BRI3: variants seen among roughly 807,000 people sequenced by gnomAD.
BRI3 encodes the protein brain protein I3.
Under a neutral mutation model 12.8 loss-of-function variants are expected in BRI3, and 6 were observed. The ratio of observed to expected loss-of-function variants is 0.47; its 90% CI spans 0.26 to 0.93. The LOEUF (loss-of-function observed/expected upper bound fraction) is 0.93. Among genes scored for constraint, BRI3 ranks in the 40% least tolerant of loss-of-function variants. BRI3 has a pLI of 0.15. For missense variants in BRI3, 134 were observed against 171.1 expected (o/e 0.78, Z 1.21); for synonymous variants, 91 against 76.1 (o/e 1.20, Z -1.02).
At chr7:98,315,447 C>A in the BRI3 span, 1 of 1,405,220 alleles carries the variant, frequency 7.1e-7, no homozygotes, top group South Asian at 1.8e-5. Context: ...AGGCAATTTG[C>A]CACCACACCC....
At position 98,281,718 on chromosome 7, in the gene BRI3, C is replaced by T; in HGVS notation, c.-78C>T. The T allele has an allele frequency of 1.3e-6, 1 of 761,166 alleles. No individual in the cohort carries two copies. Among genetic ancestry groups the T allele is most frequent in the Non-Finnish European group, 1.6e-6 (1 of 631,282 alleles). The allele number at this position is 761,166 out of a possible 1,614,324, so 47.2% of individuals were successfully genotyped here. On this transcript the variant is annotated 5_prime_UTR_variant, in exon 1 of 3. Coordinates refer to ENST00000297290, the MANE Select transcript of BRI3 (RefSeq NM_015379.5). ...CCCGAGCCACCCGGTCCGCCGCGTC[C>T]CCGCCGCCGCCGCCGCGTCCCCCGC...
chr7:98,286,435 T>A (rs918513769), intron 2 of BRI3, among the ~76,000 whole-genome samples: 11 of 152,142 alleles, frequency 7.2e-5, no homozygotes, highest in Non-Finnish European at 1.6e-4. Flanking sequence ...CCATGGTCCC[T>A]CCCTGGCCGC....
the BRI3 span, chr7:98,319,973 A>C: frequency 6.6e-6 from 7 of 1,060,682 alleles, no homozygotes; most frequent in Admixed American, 1.1e-4. Context: ...TCTGCTGCTG[A>C]TGAGTCAACA....
chr7:98,286,515 G>A (rs1275104584), intron 2 of BRI3, among the ~76,000 whole-genome samples: 1 of 152,204 alleles, frequency 6.6e-6, no homozygotes, highest in Non-Finnish European at 1.5e-5. Flanking sequence ...CGGTTGAGAA[G>A]GTTGAAACCC....
At chr7:98,284,346 C>G (rs560017350) in intron 2 of BRI3, among the ~76,000 whole-genome samples, 1 of 152,204 alleles carries the variant, frequency 6.6e-6, no homozygotes, top group Non-Finnish European at 1.5e-5. Context: ...TCTGGCTCCC[C>G]GAGGCTTTGC....
At chr7:98,307,955 T>A in exon 2 of BRI3, 1 of 1,505,052 alleles carries the variant, frequency 6.6e-7, no homozygotes, top group Non-Finnish European at 9.2e-7. Flanking sequence ...ATAGGCACAT[T>A]CCAATGAGCA....
At chr7:98,312,623 C>CT (rs1440808404), downstream of BRI3, among the ~76,000 whole-genome samples, 7 of 152,234 alleles carry the variant, frequency 4.6e-5, no homozygotes, top group East Asian at 1.3e-3. Flanking sequence ...CCAACCATCA[C>CT]TTTCTCCCTC....
rs781437340 is a variant in BRI3, at chr7:98,281,906, C to G, written c.111C>G (p.Pro37=). Residue 37 remains proline, a synonymous_variant, in exon 1 of 3, where the codon CCC becomes CCG. Transcript: ENST00000297290. ...PHGYGAIPAA[P]PPPPYPYLVT... ...GCTACGGCGCCATCCCCGCCGCGCC[C>G]CCGCCGCCGCCCTACCCCTACCTCG... The G allele has an allele frequency of 8.1e-5, 105 of 1,297,244 alleles. No individual in the cohort carries two copies. The highest frequency in any genetic ancestry group is 3.0e-5 in the Non-Finnish European group (31 of 1,022,996). The allele number at this position is 1,297,244 out of a possible 1,614,324, so 80.4% of individuals were successfully genotyped here. A position where few individuals can be genotyped will look rare whatever the true frequency, so the allele number is the denominator to read the frequency against.
In BRI3 at chr7:98,284,846, C is replaced by CCCCTG. The variant is rs758370542; in HGVS notation, c.245+2416_245+2420dup. Among the ~76,000 whole-genome samples the CCCCTG allele has an allele frequency of 1.6e-3, 248 of 152,110 alleles. 2 individuals are homozygous for CCCCTG. The highest frequency in any genetic ancestry group is 2.9e-3 in the African/African-American group (121 of 41,468). On this transcript the variant is annotated intron_variant, in intron 2 of 2. Transcript: ENST00000297290. ...CTGCTCCTCCCACCCTCCTGCTTCA[C>CCCCTG]CCCTGCCCTGCCCTGCCCTGCCCTG...
upstream of BRI3, chr7:98,304,504 A>C: frequency 1.2e-6 from 1 of 841,494 alleles, no homozygotes; most frequent in Non-Finnish European, 1.9e-6. Context: ...TCTTGATCTC[A>C]CACACACAGA....
At chr7:98,287,239 CTT>C (rs1401957190) in intron 2 of BRI3, among the ~76,000 whole-genome samples, 1 of 152,182 alleles carries the variant, frequency 6.6e-6, no homozygotes, top group East Asian at 1.9e-4. Context: ...CCTACCCTCT[CTT>C]TAAGCGGTGT....
chr7:98,297,853 C>G (rs750803926), downstream of BRI3, among the ~76,000 whole-genome samples: 2 of 152,212 alleles, frequency 1.3e-5, no homozygotes, highest in African/African-American at 4.8e-5. Context: ...CTTGCTTTTA[C>G]AAAGGAGAGC....
chr7:98,307,703 G>A (rs773854322), exon 2 of BRI3: 11 of 1,613,988 alleles, frequency 6.8e-6, no homozygotes, highest in East Asian at 2.2e-5. Context: ...TGGACACGTC[G>A]TGTTCTCCAT....
the BRI3 span, among the ~76,000 whole-genome samples, chr7:98,318,128 A>T: frequency 6.6e-6 from 1 of 152,188 alleles, no homozygotes; most frequent in African/African-American, 2.4e-5. Flanking sequence ...CTCAGTTCAC[A>T]TTGCCCCCTT....
the BRI3 span, among the ~76,000 whole-genome samples, chr7:98,316,838 T>G: frequency 6.6e-6 from 1 of 151,292 alleles, no homozygotes; most frequent in South Asian, 2.1e-4. Context: ...ATCATTCTAC[T>G]CCCCACTTCC....
chr7:98,292,533 CAGCCCCGGGCTCAGGGCAGCCAG>C, downstream of BRI3: 1 of 1,111,226 alleles, frequency 9.0e-7, no homozygotes, highest in Non-Finnish European at 1.3e-6. Flanking sequence ...AGATGATTTC[CAGCCCCGGGCTCAGGGCAGCCAG>C]TGCGTAGTCC....
chr7:98,296,494 G>A (rs986513542), downstream of BRI3, among the ~76,000 whole-genome samples: 2 of 152,068 alleles, frequency 1.3e-5, no homozygotes, highest in Non-Finnish European at 2.9e-5. Flanking sequence ...GTGTGGTGGC[G>A]CACGCCGGTA....
chr7:98,294,241 C>A, downstream of BRI3: 1 of 887,416 alleles, frequency 1.1e-6, no homozygotes, highest in South Asian at 1.6e-5. Context: ...GATCCTTCCA[C>A]CTTGGCCTCC....
At chr7:98,284,299 C>A (rs532794527) in intron 2 of BRI3, among the ~76,000 whole-genome samples, 1 of 152,248 alleles carries the variant, frequency 6.6e-6, no homozygotes, top group East Asian at 1.9e-4. Flanking sequence ...CACGTCCCTG[C>A]GCTCTGCCCG....
Sources: allele counts gnomAD v4.1 joint callset (sites outside exome capture counted in the v4.1 genomes callset), GRCh38; gene constraint gnomAD v4.1.1; transcripts MANE v1.5; gene names NCBI Gene and HGNC (gene_info 2026-07-23, HGNC 2026-07-21).